Variants in AUTS2 observed in about 807,000 individuals in gnomAD.
The protein encoded by AUTS2 is autism susceptibility gene 2 protein.
AUTS2 carries 17 observed loss-of-function variants against 112.4 expected under a neutral mutation model. That is an observed-to-expected ratio of 0.15 (90% CI 0.10 to 0.23). The LOEUF (loss-of-function observed/expected upper bound fraction) is 0.23, where lower values mean the gene tolerates loss of function less well. Among genes scored for constraint, AUTS2 ranks in the 10% least tolerant of loss-of-function variants. The probability of loss-of-function intolerance (pLI) is 1.00; values close to 1 mark genes in which losing one functional copy is unlikely to be tolerated. For synonymous variants in AUTS2, 751 were observed against 702.7 expected, an observed-to-expected ratio of 1.07 and a Z score of -1.09; for missense variants, 1,510 against 1,701.6, an observed-to-expected ratio of 0.89 and a Z score of 1.98.
At chr7:69,659,089 G>A (rs1306362687) in intron 1 of AUTS2, among the ~76,000 whole-genome samples, 8 of 152,200 alleles carry the variant, frequency 5.3e-5, no homozygotes, top group Non-Finnish European at 1.2e-4. Context: ...TTTGTTTTGA[G>A]ACAGTGTCTT....
chr7:69,685,268 C>T (rs895138127), intron 1 of AUTS2, among the ~76,000 whole-genome samples: 2 of 152,298 alleles, frequency 1.3e-5, no homozygotes, highest in South Asian at 4.1e-4. Context: ...ATGAAATGAT[C>T]TTGTCTTTTT....
chr7:70,193,970 A>G (rs961514864), intron 4 of AUTS2, among the ~76,000 whole-genome samples: 3 of 152,204 alleles, frequency 2.0e-5, no homozygotes, highest in Non-Finnish European at 4.4e-5. Context: ...CTTCATATCT[A>G]TATTTAATAT....
chr7:70,587,384 G>A (rs1223175057), intron 5 of AUTS2, among the ~76,000 whole-genome samples: 9 of 152,138 alleles, frequency 5.9e-5, no homozygotes, highest in Admixed American at 5.9e-4. Flanking sequence ...CCCAGGAAGG[G>A]ATTTTTCAAG....
intron 5 of AUTS2, among the ~76,000 whole-genome samples, chr7:70,607,172 AG>A (rs1480227704): frequency 6.6e-6 from 1 of 152,154 alleles, no homozygotes; most frequent in Non-Finnish European, 1.5e-5. Context: ...TGGGGGGCGA[AG>A]GTGGGAGTGA....
chr7:69,725,550 A>G (rs1288628061), intron 1 of AUTS2, among the ~76,000 whole-genome samples: 1 of 152,156 alleles, frequency 6.6e-6, no homozygotes, highest in Non-Finnish European at 1.5e-5. Flanking sequence ...AGACAGAAAG[A>G]CTAGTATGGA....
At chr7:70,561,242 G>C (rs1439441289) in intron 5 of AUTS2, among the ~76,000 whole-genome samples, 1 of 152,148 alleles carries the variant, frequency 6.6e-6, no homozygotes, top group Non-Finnish European at 1.5e-5. Context: ...ATCTCAACCA[G>C]TCTGTCACCA....
At chr7:69,690,092 A>C (rs576837576) in intron 1 of AUTS2, among the ~76,000 whole-genome samples, 35 of 152,098 alleles carry the variant, frequency 2.3e-4, no homozygotes, top group Non-Finnish European at 4.0e-4. Flanking sequence ...TATTTTTAAA[A>C]TTTTACTTTT....
rs145264992 is a variant in AUTS2 at position 69,972,653 on chromosome 7, T to TTGTG, written c.522+73164_522+73167dup. ...ATGAAACTTAGGTCAAAGTTTTTCTTTGTGTGTGTGTGCGTGCATGTGTGT... is the reference window on the plus strand; with the variant it reads ...ATGAAACTTAGGTCAAAGTTTTTCTTTGTGTGTGTGTGTGTGCGTGCATGTGTGT... On this transcript the variant is annotated intron_variant, in intron 2 of 18. Transcript: ENST00000342771. Among the ~76,000 whole-genome samples, 4 of 146,578 alleles carry TTGTG rather than the reference T, an allele frequency of 2.7e-5. No homozygotes were observed. The South Asian group carries it at 9.2e-4, about 34-fold the overall frequency.
chr7:70,348,729 G>C (rs1295837031), intron 4 of AUTS2, among the ~76,000 whole-genome samples: 1 of 152,168 alleles, frequency 6.6e-6, no homozygotes, highest in African/African-American at 2.4e-5. Flanking sequence ...AGAATGGCGT[G>C]AACCCCGGGA....
chr7:69,880,129 G>A (rs1217275745), intron 1 of AUTS2, among the ~76,000 whole-genome samples: 1 of 152,158 alleles, frequency 6.6e-6, no homozygotes, highest in South Asian at 2.1e-4. Flanking sequence ...AAGGTGAAGG[G>A]GAAGCAGGCA....
At chr7:70,641,068 G>C (rs1805803050) in intron 5 of AUTS2, among the ~76,000 whole-genome samples, 1 of 152,088 alleles carries the variant, frequency 6.6e-6, no homozygotes, top group Non-Finnish European at 1.5e-5. Context: ...AGCCACACTA[G>C]TCCACCCGGC....
At chr7:70,305,619 C>A (rs1052404189) in intron 4 of AUTS2, among the ~76,000 whole-genome samples, 4 of 152,158 alleles carry the variant, frequency 2.6e-5, no homozygotes, top group African/African-American at 9.7e-5. Context: ...ATTAAAATAT[C>A]TGTTAAAACC....
At chr7:70,402,961 A>T (rs895518749) in intron 4 of AUTS2, among the ~76,000 whole-genome samples, 4 of 152,148 alleles carry the variant, frequency 2.6e-5, no homozygotes, top group African/African-American at 9.7e-5. Context: ...TGGATTTTAA[A>T]TGCTTTTTTC....
At chr7:70,134,979 C>A (rs1806475124) in intron 4 of AUTS2, among the ~76,000 whole-genome samples, 1 of 152,022 alleles carries the variant, frequency 6.6e-6, no homozygotes, top group Non-Finnish European at 1.5e-5. Flanking sequence ...AATGAGTTGC[C>A]TTTTTTGGTG....
At chr7:70,163,144 C>A (rs1808183805) in intron 4 of AUTS2, among the ~76,000 whole-genome samples, 1 of 151,586 alleles carries the variant, frequency 6.6e-6, no homozygotes, top group Non-Finnish European at 1.5e-5. Flanking sequence ...TGGCTGCCAG[C>A]TATGAGGTTT....
At position 69,730,019 on chromosome 7, in the gene AUTS2, T is replaced by TTTTTTTTTTTTTTTTA. The variant is rs10684332; in HGVS notation, c.309+130057_309+130058insTTTTTTTTTTTTTTTA. ...ATTTTTTTTTTTTTTTTTTTTTTTT[T>TTTTTTTTTTTTTTTTA]AGAAACTAGGTCTTCCTAAGTAAGT... On this transcript the variant is annotated intron_variant, in intron 1 of 18. Transcript: ENST00000342771. Among the ~76,000 whole-genome samples, 47 of 132,068 alleles carry TTTTTTTTTTTTTTTTA rather than the reference T, an allele frequency of 3.6e-4. 2 individuals are homozygous for TTTTTTTTTTTTTTTTA. Among genetic ancestry groups the TTTTTTTTTTTTTTTTA allele is most frequent in the African/African-American group, 5.0e-4 (16 of 32,094 alleles). 86.6% of individuals were successfully genotyped at this position (132,068 alleles called of 152,430 possible).
At chr7:70,364,158 A>G (rs1792423861) in intron 4 of AUTS2, among the ~76,000 whole-genome samples, 1 of 152,140 alleles carries the variant, frequency 6.6e-6, no homozygotes, top group African/African-American at 2.4e-5. Context: ...ATATGGAAGG[A>G]AGGGAGACTG....
chr7:69,763,298 C>T (rs567025006), intron 1 of AUTS2, among the ~76,000 whole-genome samples: 18 of 152,060 alleles, frequency 1.2e-4, no homozygotes, highest in Non-Finnish European at 7.4e-5. Context: ...AGGTAGAACC[C>T]CTTCAGATCT....
intron 4 of AUTS2, among the ~76,000 whole-genome samples, chr7:70,386,699 A>T (rs967524043): frequency 4.6e-5 from 7 of 152,170 alleles, no homozygotes; most frequent in African/African-American, 1.7e-4. Flanking sequence ...TACATCTTTT[A>T]TAGTCAGAAA....
Sources: gnomAD v4.1 joint callset for allele counts (sites outside exome capture counted in the v4.1 genomes callset) on GRCh38, gnomAD v4.1.1 for gene constraint, MANE v1.5 for transcripts, NCBI Gene and HGNC (gene_info 2026-07-23, HGNC 2026-07-21) for gene names.